The following TOX variants were observed in gnomAD, a reference collection of about 807,000 sequenced individuals.
TOX encodes the protein thymocyte selection associated high mobility group box.
A neutral mutation model predicts 53.7 loss-of-function variants in TOX; 11 were observed. The observed-to-expected ratio is 0.20, with a 90% CI of 0.13 to 0.34. The LOEUF is 0.34. Among genes scored for constraint, TOX ranks in the 10% least tolerant of loss-of-function variants. TOX has a pLI of 1.00. For missense variants in TOX, 570 were observed against 664.6 expected (o/e 0.86, Z 1.56); for synonymous variants, 225 against 245.3 (o/e 0.92, Z 0.77).
At chr8:59,106,257 T>C (rs1475209357) in intron 1 of TOX, among the ~76,000 whole-genome samples, 1 of 151,482 alleles carries the variant, frequency 6.6e-6, no homozygotes, top group Admixed American at 6.6e-5. Context: ...TTGACCTCAG[T>C]AAATTTTTCC....
intron 1 of TOX, among the ~76,000 whole-genome samples, chr8:59,008,851 A>G (rs1306189542): frequency 6.6e-6 from 1 of 152,228 alleles, no homozygotes; most frequent in Non-Finnish European, 1.5e-5. Flanking sequence ...AGAATTTGGC[A>G]CACTACAAAT....
chr8:59,077,256 T>C (rs1804309380), intron 1 of TOX, among the ~76,000 whole-genome samples: 1 of 152,232 alleles, frequency 6.6e-6, no homozygotes, highest in Non-Finnish European at 1.5e-5. Context: ...ATGCTCTTTA[T>C]TCTGCCAATG....
At chr8:58,990,251 A>G (rs1295445443) in intron 1 of TOX, among the ~76,000 whole-genome samples, 5 of 152,080 alleles carry the variant, frequency 3.3e-5, no homozygotes, top group Non-Finnish European at 5.9e-5. Flanking sequence ...AGAAATTCAG[A>G]TGGGATTTGA....
At chr8:58,950,910 G>A (rs1812611046) in intron 2 of TOX, among the ~76,000 whole-genome samples, 2 of 152,174 alleles carry the variant, frequency 1.3e-5, no homozygotes, top group South Asian at 4.1e-4. Flanking sequence ...TCCAGGGACA[G>A]CAAATATCCA....
chr8:58,978,343 A>G (rs906616590), intron 1 of TOX, among the ~76,000 whole-genome samples: 2 of 152,196 alleles, frequency 1.3e-5, no homozygotes, highest in African/African-American at 4.8e-5. Flanking sequence ...ACAGGAAAAA[A>G]TCTGCATAAG....
At chr8:59,030,540 A>T (rs1395174696) in intron 1 of TOX, among the ~76,000 whole-genome samples, 2 of 152,198 alleles carry the variant, frequency 1.3e-5, no homozygotes, top group Admixed American at 1.3e-4. Context: ...AACGTCACTA[A>T]GTAAACAGGT....
intron 2 of TOX, among the ~76,000 whole-genome samples, chr8:58,944,741 GC>G (rs1812498964): frequency 6.6e-6 from 1 of 152,168 alleles, no homozygotes; most frequent in South Asian, 2.1e-4. Flanking sequence ...ATAAACAATG[GC>G]TTTATATAGC....
At chr8:58,890,058 G>T (rs1811534588) in intron 3 of TOX, among the ~76,000 whole-genome samples, 1 of 152,090 alleles carries the variant, frequency 6.6e-6, no homozygotes, top group South Asian at 2.1e-4. Flanking sequence ...GAAAAGTGAG[G>T]TGTAATCATT....
chr8:58,938,344 ATGAC>A (rs534770648), intron 3 of TOX, among the ~76,000 whole-genome samples: 327 of 152,318 alleles, frequency 2.1e-3, no homozygotes, highest in African/African-American at 7.3e-3. Context: ...CATTGTGAAA[ATGAC>A]AGTACTGTTC....
At position 59,092,145 on chromosome 8, in the gene TOX, G is replaced by A. The variant is rs992136116; in HGVS notation, c.102+26741C>T. On this transcript the variant is annotated intron_variant, in intron 1 of 8. Coordinates refer to ENST00000361421, the MANE Select transcript of TOX (RefSeq NM_014729.3). ...TGGGCACCTGTAATCCCAGCTACTC[G>A]GGAGGCAGAGGCAGGAGAATCACTT... is the stretch of plus-strand genomic sequence containing the variant. Among the ~76,000 whole-genome samples, 4 of 149,466 alleles carry A rather than the reference G, an allele frequency of 2.7e-5. 1 individual carries two copies. Among genetic ancestry groups the A allele is most frequent in the Admixed American group, 1.3e-4 (2 of 14,856 alleles).
intron 1 of TOX, among the ~76,000 whole-genome samples, chr8:59,010,396 T>G (rs991468977): frequency 3.3e-5 from 5 of 152,224 alleles, no homozygotes; most frequent in Non-Finnish European, 7.3e-5. Flanking sequence ...GAAGTATTTA[T>G]GTGTGAGTGC....
At chr8:58,942,053 CAAA>C (rs35861451) in intron 2 of TOX, among the ~76,000 whole-genome samples, 13 of 106,316 alleles carry the variant, frequency 1.2e-4, no homozygotes, top group East Asian at 2.6e-4. Flanking sequence ...GACTCTGTCT[CAAA>C]AAAAAAAAAA....
At chr8:58,997,828 T>C (rs954745386) in intron 1 of TOX, among the ~76,000 whole-genome samples, 1 of 152,188 alleles carries the variant, frequency 6.6e-6, no homozygotes, top group African/African-American at 2.4e-5. Flanking sequence ...AGTCTCCCTC[T>C]GTCGCCCAGG....
rs117783803 is a variant in TOX at position 59,011,758 on chromosome 8, G to A, written c.103-51750C>T. 9.8e-3 allele frequency among the ~76,000 whole-genome samples: 1,497 copies of A among 152,234 alleles called. 51 individuals carry two copies. The highest frequency in any genetic ancestry group is 0.096 in the South Asian group (463 of 4,810). On this transcript the variant is annotated intron_variant, in intron 1 of 8. Coordinates refer to ENST00000361421, the MANE Select transcript of TOX (RefSeq NM_014729.3). ...TAACCACCTTTCTTCTGAGTTTAAT[G>A]GAAGATGAGGTGAGATTAGATGCAG... is the stretch of plus-strand genomic sequence containing the variant.
At chr8:58,880,044 A>C (rs1811357290) in intron 3 of TOX, among the ~76,000 whole-genome samples, 1 of 152,208 alleles carries the variant, frequency 6.6e-6, no homozygotes, top group Admixed American at 6.5e-5. Context: ...AAGACTTCCT[A>C]GATCCCATAG....
In TOX at chr8:59,005,056, T is replaced by G. The variant is rs149203960; in HGVS notation, c.103-45048A>C. 5.2e-3 allele frequency among the ~76,000 whole-genome samples: 701 copies of G among 134,036 alleles called. 4 individuals carry two copies. The highest frequency in any genetic ancestry group is 0.011 in the South Asian group (45 of 4,202). 87.9% of individuals were successfully genotyped at this position (134,036 alleles called of 152,430 possible). A position where few individuals can be genotyped will look rare whatever the true frequency, so the allele number is the denominator to read the frequency against. On this transcript the variant is annotated intron_variant, in intron 1 of 8. Coordinates refer to ENST00000361421, the MANE Select transcript of TOX (RefSeq NM_014729.3). Reference sequence around the variant, plus strand: ...AAAATATCATTTTCTTTTTTTTTTTTGAGACAGACTCTCGCTCTGTCGCCC... The same window carrying G: ...AAAATATCATTTTCTTTTTTTTTTTGGAGACAGACTCTCGCTCTGTCGCCC...
chr8:58,992,038 T>A (rs1161738514), intron 1 of TOX: 1 of 152,220 alleles, frequency 6.6e-6, no homozygotes, highest in East Asian at 1.9e-4. Flanking sequence ...TGCGCAAAGA[T>A]AAAATGAAAA....
At chr8:58,987,323 A>G (rs1379568433) in intron 1 of TOX, among the ~76,000 whole-genome samples, 2 of 152,172 alleles carry the variant, frequency 1.3e-5, no homozygotes, top group African/African-American at 4.8e-5. Flanking sequence ...AAGGAAGCAA[A>G]TGCAGGTGGC....
intron 1 of TOX, among the ~76,000 whole-genome samples, chr8:59,099,527 A>G (rs1399322790): frequency 3.9e-5 from 6 of 152,352 alleles, no homozygotes; most frequent in South Asian, 2.1e-4. Flanking sequence ...AACCTGAGGT[A>G]TGCAATCAAT....
Sources: gnomAD v4.1 joint callset for allele counts (sites outside exome capture counted in the v4.1 genomes callset) on GRCh38, gnomAD v4.1.1 for gene constraint, MANE v1.5 for transcripts, NCBI Gene and HGNC (gene_info 2026-07-23, HGNC 2026-07-21) for gene names.